Variants in PRKG1 observed in about 807,000 individuals in gnomAD.
PRKG1 encodes the protein cGMP-dependent protein kinase 1.
A neutral mutation model predicts 88.1 loss-of-function variants in PRKG1; 35 were observed. The observed-to-expected ratio is 0.40, with a 90% CI of 0.30 to 0.53. The LOEUF (loss-of-function observed/expected upper bound fraction) is 0.53. PRKG1 is among the 20% of genes least tolerant of loss of function. The pLI is 0.59. For missense variants in PRKG1, 540 were observed against 839.8 expected, an observed-to-expected ratio of 0.64 and a Z score of 4.41; for synonymous variants, 303 against 292.5, an observed-to-expected ratio of 1.04 and a Z score of -0.37.
intron 9 of PRKG1, among the ~76,000 whole-genome samples, chr10:52,208,736 T>C (rs1280940742): frequency 6.6e-6 from 1 of 152,242 alleles, no homozygotes; most frequent in Admixed American, 6.5e-5. Flanking sequence ...CTAAAGGCAA[T>C]AATTTTTCCA....
At chr10:51,443,133 G>T (rs1362953503) in intron 2 of PRKG1, among the ~76,000 whole-genome samples, 5 of 143,864 alleles carry the variant, frequency 3.5e-5, no homozygotes, top group Non-Finnish European at 7.4e-5. Flanking sequence ...ACAGCTTATT[G>T]TGATAGTTTT....
intron 8 of PRKG1, among the ~76,000 whole-genome samples, chr10:52,147,817 G>A (rs1471074436): frequency 1.3e-5 from 2 of 152,090 alleles, no homozygotes; most frequent in Admixed American, 6.6e-5. Flanking sequence ...CTGAATTATT[G>A]GTAGGTGATA....
intron 2 of PRKG1, among the ~76,000 whole-genome samples, chr10:51,227,837 A>G (rs1838733776): frequency 6.6e-6 from 1 of 152,202 alleles, no homozygotes; most frequent in Non-Finnish European, 1.5e-5. Context: ...AGAGTGGCAC[A>G]AAAGTGCTTG....
At chr10:51,615,178 G>T (rs543060276) in intron 3 of PRKG1, among the ~76,000 whole-genome samples, 13 of 152,036 alleles carry the variant, frequency 8.6e-5, no homozygotes, top group African/African-American at 2.2e-4. Flanking sequence ...GGCCTATAAG[G>T]TTTCTGCTAA....
intron 4 of PRKG1, among the ~76,000 whole-genome samples, chr10:51,903,115 A>G (rs1414835117): frequency 6.6e-6 from 1 of 152,156 alleles, no homozygotes; most frequent in Non-Finnish European, 1.5e-5. Context: ...ATGAATTAAG[A>G]AAATGGGACA....
At chr10:51,206,356 G>A (rs939834870) in intron 2 of PRKG1, among the ~76,000 whole-genome samples, 1 of 151,904 alleles carries the variant, frequency 6.6e-6, no homozygotes, top group African/African-American at 2.4e-5. Flanking sequence ...AGCCAGGCGT[G>A]GGGGTGGGCG....
chr10:52,252,178 A>G (rs1841187957), intron 10 of PRKG1: 1 of 153,654 alleles, frequency 6.5e-6, no homozygotes, highest in African/African-American at 2.4e-5. Flanking sequence ...AATATTTTAT[A>G]TAGTTTATTT....
At position 51,728,012 on chromosome 10, in the gene PRKG1, C is replaced by CT. The variant is rs199652075; in HGVS notation, c.593-76567dup. Among the ~76,000 whole-genome samples, 1,247 of 152,162 alleles carry CT rather than the reference C, an allele frequency of 8.2e-3. 19 individuals carry two copies. The highest frequency in any genetic ancestry group is 0.028 in the African/African-American group (1,169 of 41,502). On this transcript the variant is annotated intron_variant, in intron 3 of 17. Coordinates refer to ENST00000373980, the MANE Select transcript of PRKG1 (RefSeq NM_006258.4). Reference sequence around the variant, plus strand: ...AAGTCTTGCTTTAATGAATAGTTGACTTTTTTCCTATTTCAAAAATAGTAC... The same window carrying CT: ...AAGTCTTGCTTTAATGAATAGTTGACTTTTTTTCCTATTTCAAAAATAGTAC...
chr10:51,616,884 G>C (rs1839071276), intron 3 of PRKG1, among the ~76,000 whole-genome samples: 1 of 152,152 alleles, frequency 6.6e-6, no homozygotes, highest in Non-Finnish European at 1.5e-5. Flanking sequence ...CCTATTCCTT[G>C]CTTGCATTTC....
chr10:51,285,971 T>C (rs1258613458), intron 2 of PRKG1, among the ~76,000 whole-genome samples: 5 of 151,768 alleles, frequency 3.3e-5, no homozygotes, highest in Admixed American at 2.6e-4. Context: ...ATTTATTTAT[T>C]ATTTATTTAT....
Position 51,784,427 on chromosome 10 carries a change from G to A in PRKG1, c.593-20158G>A, listed in dbSNP as rs140284553. Among the ~76,000 whole-genome samples the A allele has an allele frequency of 1.5e-4, 23 of 152,164 alleles. No homozygotes were observed. The East Asian group carries it at 4.3e-3, about 28-fold the overall frequency. On this transcript the variant is annotated intron_variant, in intron 3 of 17. Coordinates refer to ENST00000373980, the MANE Select transcript of PRKG1 (RefSeq NM_006258.4). The stretch of plus-strand genomic sequence containing the variant: ...TGGTGTTCTTAAACCAGAAGCATAC[G>A]TTGGTCATCTCTTTCAAAGTTAAAA...
chr10:51,024,147 TAAA>T (rs1300816010), intron 1 of PRKG1, among the ~76,000 whole-genome samples: 2 of 152,190 alleles, frequency 1.3e-5, no homozygotes, highest in African/African-American at 4.8e-5. Context: ...CATTTACACA[TAAA>T]AAGAAGGCTT....
At chr10:51,277,983 A>T (rs899129305) in intron 2 of PRKG1, among the ~76,000 whole-genome samples, 1 of 152,168 alleles carries the variant, frequency 6.6e-6, no homozygotes, top group African/African-American at 2.4e-5. Flanking sequence ...AGAACTTCCA[A>T]CACTATGTTG....
intron 4 of PRKG1, among the ~76,000 whole-genome samples, chr10:51,862,123 GC>G (rs1840891244): frequency 6.6e-6 from 1 of 152,194 alleles, no homozygotes; most frequent in Non-Finnish European, 1.5e-5. Flanking sequence ...TCTCATTCCT[GC>G]TGCCCACAGT....
intron 3 of PRKG1, among the ~76,000 whole-genome samples, chr10:51,754,512 G>A (rs771739697): frequency 6.6e-6 from 1 of 152,142 alleles, no homozygotes; most frequent in Non-Finnish European, 1.5e-5. Context: ...AAGGAGTAAG[G>A]CTAGCTTGAA....
At chr10:52,163,774 G>A (rs892608485) in intron 9 of PRKG1, among the ~76,000 whole-genome samples, 1 of 152,118 alleles carries the variant, frequency 6.6e-6, no homozygotes, top group Non-Finnish European at 1.5e-5. Context: ...TCAATTAAAA[G>A]TAGTAAGTAA....
chr10:52,224,920 T>G (rs1304371379), intron 9 of PRKG1, among the ~76,000 whole-genome samples: 1 of 151,096 alleles, frequency 6.6e-6, no homozygotes, highest in African/African-American at 2.4e-5. Context: ...TATTTTGCAA[T>G]TATGAATTGT....
chr10:52,250,753 A>G (rs1841149705), intron 9 of PRKG1, among the ~76,000 whole-genome samples: 1 of 152,134 alleles, frequency 6.6e-6, no homozygotes, highest in African/African-American at 2.4e-5. Context: ...ACAAGGATAT[A>G]TTTTAAGCAG....
At chr10:52,169,693 T>A (rs1475185030) in intron 9 of PRKG1, among the ~76,000 whole-genome samples, 1 of 152,184 alleles carries the variant, frequency 6.6e-6, no homozygotes, top group South Asian at 2.1e-4. Context: ...AATGGAGTGG[T>A]GGGGATGGAG....
Sources: allele counts gnomAD v4.1 joint callset (sites outside exome capture counted in the v4.1 genomes callset), GRCh38; gene constraint gnomAD v4.1.1; transcripts MANE v1.5; gene names NCBI Gene and HGNC (gene_info 2026-07-23, HGNC 2026-07-21).